GABRB1: variants seen among roughly 807,000 people sequenced by gnomAD.
GABRB1 encodes the protein gamma-aminobutyric acid receptor subunit beta-1.
Under a neutral mutation model 51.6 loss-of-function variants are expected in GABRB1, and 17 were observed. That is an observed-to-expected ratio of 0.33 (90% CI 0.23 to 0.49). The LOEUF (loss-of-function observed/expected upper bound fraction) is 0.49. GABRB1 is among the 20% of genes least tolerant of loss of function. GABRB1 has a pLI of 0.99. For missense variants in GABRB1, 410 were observed against 600.6 expected, an observed-to-expected ratio of 0.68 and a Z score of 3.32; for synonymous variants, 247 against 218.9, an observed-to-expected ratio of 1.13 and a Z score of -1.14.
intron 4 of GABRB1, among the ~76,000 whole-genome samples, chr4:47,301,685 A>G (rs569376650): frequency 1.1e-4 from 17 of 152,048 alleles, no homozygotes; most frequent in Non-Finnish European, 1.9e-4. Flanking sequence ...AGATTTATTA[A>G]GATGCTACAG....
At chr4:47,181,529 C>T (rs1160942389) in intron 4 of GABRB1, among the ~76,000 whole-genome samples, 1 of 151,960 alleles carries the variant, frequency 6.6e-6, no homozygotes, top group East Asian at 1.9e-4. Flanking sequence ...TTCTAATTCT[C>T]GTTCCATCAT....
chr4:47,111,925 G>A (rs1215473577), intron 3 of GABRB1, among the ~76,000 whole-genome samples: 4 of 150,838 alleles, frequency 2.7e-5, no homozygotes, highest in African/African-American at 9.7e-5. Context: ...CACATTAAAG[G>A]TCCTATTTTC....
At chr4:47,097,210 T>C (rs1295572838) in intron 3 of GABRB1, among the ~76,000 whole-genome samples, 1 of 152,072 alleles carries the variant, frequency 6.6e-6, no homozygotes, top group African/African-American at 2.4e-5. Context: ...ACATGGCCTA[T>C]CCCTTAATTT....
intron 3 of GABRB1, among the ~76,000 whole-genome samples, chr4:47,133,172 C>T (rs1716500080): frequency 6.6e-6 from 1 of 152,144 alleles, no homozygotes. Context: ...AATGTATATT[C>T]TCTAGCACCT....
chr4:47,203,762 C>T (rs577378848), intron 4 of GABRB1, among the ~76,000 whole-genome samples: 1 of 152,038 alleles, frequency 6.6e-6, no homozygotes, highest in Admixed American at 6.6e-5. Context: ...CTCATCCCAT[C>T]GAGACATCAC....
chr4:47,269,225 A>G (rs1389732734), intron 4 of GABRB1, among the ~76,000 whole-genome samples: 1 of 152,222 alleles, frequency 6.6e-6, no homozygotes, highest in Non-Finnish European at 1.5e-5. Flanking sequence ...AATTCTCAGA[A>G]GAAATATAAT....
At chr4:47,018,270 C>A (rs1297399277) in intron 1 of GABRB1, among the ~76,000 whole-genome samples, 1 of 151,780 alleles carries the variant, frequency 6.6e-6, no homozygotes, top group Non-Finnish European at 1.5e-5. Flanking sequence ...TCTGTCTGGC[C>A]TCAAGTCATC....
intron 5 of GABRB1, among the ~76,000 whole-genome samples, chr4:47,394,054 G>A (rs1395150129): frequency 6.6e-6 from 1 of 152,218 alleles, no homozygotes; most frequent in Non-Finnish European, 1.5e-5. Context: ...TGAATCCAGA[G>A]AAGTTGTCTG....
At chr4:47,034,810 A>G (rs1725481850) in intron 3 of GABRB1, among the ~76,000 whole-genome samples, 2 of 152,140 alleles carry the variant, frequency 1.3e-5, no homozygotes, top group South Asian at 2.1e-4. Context: ...CGCACCCCCA[A>G]AAGAGAATTG....
At chr4:47,026,723 G>A (rs117338018), upstream of GABRB1, among the ~76,000 whole-genome samples, 45 of 152,046 alleles carry the variant, frequency 3.0e-4, no homozygotes, top group East Asian at 8.7e-3. Flanking sequence ...TACGTAATTT[G>A]GGCTTCTTCT....
chr4:47,158,461 T>C (rs962775714), intron 3 of GABRB1, among the ~76,000 whole-genome samples: 8 of 152,076 alleles, frequency 5.3e-5, no homozygotes, highest in Non-Finnish European at 1.2e-4. Context: ...AATCATATAT[T>C]TTCACCATTA....
At chr4:47,098,353 A>G (rs1299309549) in intron 3 of GABRB1, among the ~76,000 whole-genome samples, 1 of 152,146 alleles carries the variant, frequency 6.6e-6, no homozygotes, top group Non-Finnish European at 1.5e-5. Context: ...CCTAGTTTAA[A>G]GAGCTCATAA....
chr4:47,249,588 T>G (rs1721902525), intron 4 of GABRB1, among the ~76,000 whole-genome samples: 1 of 152,130 alleles, frequency 6.6e-6, no homozygotes, highest in South Asian at 2.1e-4. Flanking sequence ...TTAGTAATTG[T>G]TTTATAAGTT....
chr4:47,276,281 T>C (rs981565417), intron 4 of GABRB1, among the ~76,000 whole-genome samples: 9 of 152,142 alleles, frequency 5.9e-5, no homozygotes, highest in Admixed American at 3.3e-4. Context: ...TTTTTGCTTA[T>C]ATTTGGTTGT....
At chr4:47,420,431 A>T (rs1729056389) in intron 8 of GABRB1, among the ~76,000 whole-genome samples, 1 of 152,116 alleles carries the variant, frequency 6.6e-6, no homozygotes. Flanking sequence ...AGTTCTTTCA[A>T]CATCAGCAAC....
intron 3 of GABRB1, among the ~76,000 whole-genome samples, chr4:47,092,832 C>G (rs1728385658): frequency 1.3e-5 from 2 of 152,122 alleles, no homozygotes; most frequent in African/African-American, 4.8e-5. Context: ...CCAGGCTGCT[C>G]TTGAACTCCT....
chr4:47,241,904 T>C (rs1303087651), intron 4 of GABRB1, among the ~76,000 whole-genome samples: 1 of 152,202 alleles, frequency 6.6e-6, no homozygotes, highest in Non-Finnish European at 1.5e-5. Flanking sequence ...TTTTTTATTA[T>C]ACTTTAAGTT....
At chr4:47,143,203 G>C (rs1314589598) in intron 3 of GABRB1, among the ~76,000 whole-genome samples, 1 of 151,850 alleles carries the variant, frequency 6.6e-6, no homozygotes, top group African/African-American at 2.4e-5. Flanking sequence ...TGACTGCCAG[G>C]TCAGAACAGG....
intron 4 of GABRB1, among the ~76,000 whole-genome samples, chr4:47,239,321 T>C (rs1721438751): frequency 6.6e-6 from 1 of 152,252 alleles, no homozygotes; most frequent in Non-Finnish European, 1.5e-5. Flanking sequence ...TGTAATATTC[T>C]ATCCATTGTG....
Sources: gnomAD v4.1 joint callset for allele counts (sites outside exome capture counted in the v4.1 genomes callset) on GRCh38, gnomAD v4.1.1 for gene constraint, MANE v1.5 for transcripts, NCBI Gene and HGNC (gene_info 2026-07-23, HGNC 2026-07-21) for gene names.